CCSER1: variants seen among roughly 807,000 people sequenced by gnomAD.
CCSER1 encodes coiled-coil serine rich protein 1, also known as serine-rich coiled-coil domain-containing protein 1.
In CCSER1, 41 loss-of-function variants were observed where a neutral mutation model predicts 82.0. That is an observed-to-expected ratio of 0.50 (90% CI 0.39 to 0.65). The LOEUF (loss-of-function observed/expected upper bound fraction) is 0.65, where lower values mean the gene tolerates loss of function less well. Ranked by LOEUF, CCSER1 falls within the 30% of genes least tolerant of loss-of-function variation. CCSER1 has a pLI of 0.00. For missense variants in CCSER1, 1,119 were observed against 1,064.2 expected, an observed-to-expected ratio of 1.05 and a Z score of -0.72; for synonymous variants, 414 against 383.9, an observed-to-expected ratio of 1.08 and a Z score of -0.92.
At chr4:91,470,117 T>C (rs113691343) in intron 10 of CCSER1, among the ~76,000 whole-genome samples, 60 of 152,332 alleles carry the variant, frequency 3.9e-4, no homozygotes, top group African/African-American at 1.3e-3. Context: ...ACATCTACAG[T>C]GCCATGGGCT....
intron 9 of CCSER1, among the ~76,000 whole-genome samples, chr4:91,061,692 CCTA>C (rs1393767842): frequency 1.3e-5 from 2 of 151,978 alleles, no homozygotes; most frequent in Admixed American, 6.6e-5. Flanking sequence ...GATAGGTTCT[CCTA>C]CTACTTCTGT....
intron 5 of CCSER1, among the ~76,000 whole-genome samples, chr4:90,555,465 A>T (rs909859675): frequency 1.3e-5 from 2 of 152,114 alleles, no homozygotes; most frequent in Admixed American, 6.5e-5. Context: ...TGTAAAGTTC[A>T]TTATTTTGAC....
At chr4:90,753,185 T>TA (rs1748972145) in intron 7 of CCSER1, among the ~76,000 whole-genome samples, 2 of 152,110 alleles carry the variant, frequency 1.3e-5, no homozygotes, top group African/African-American at 4.8e-5. Context: ...AAAGAGGTTT[T>TA]AGTTTTAGGA....
chr4:90,838,822 C>A, intron 8 of CCSER1: 5 of 1,574,564 alleles, frequency 3.2e-6, no homozygotes, highest in Non-Finnish European at 4.4e-6. Flanking sequence ...TTGCATCTTA[C>A]AAAGTTAAAC....
At chr4:90,653,724 C>CT (rs1261248692) in intron 6 of CCSER1, among the ~76,000 whole-genome samples, 3 of 151,962 alleles carry the variant, frequency 2.0e-5, no homozygotes, top group Non-Finnish European at 4.4e-5. Flanking sequence ...GAGTGATATG[C>CT]TTTTATATTT....
chr4:91,209,085 T>G (rs1736583347), intron 10 of CCSER1, among the ~76,000 whole-genome samples: 1 of 152,014 alleles, frequency 6.6e-6, no homozygotes, highest in African/African-American at 2.4e-5. Context: ...CTTGTTGAAG[T>G]TGTTTATCAG....
intron 10 of CCSER1, among the ~76,000 whole-genome samples, chr4:91,180,188 C>T (rs1261414368): frequency 6.6e-6 from 1 of 152,138 alleles, no homozygotes; most frequent in East Asian, 1.9e-4. Flanking sequence ...CTCAGAGGGG[C>T]ACCCGGCTGT....
intron 10 of CCSER1, among the ~76,000 whole-genome samples, chr4:91,469,939 T>C (rs111673436): frequency 6.6e-6 from 1 of 152,204 alleles, no homozygotes; most frequent in African/African-American, 2.4e-5. Flanking sequence ...CTCCATTTGC[T>C]TTGCTCATTC....
intron 3 of CCSER1, among the ~76,000 whole-genome samples, chr4:90,369,349 A>AG (rs1561111530): frequency 2.8e-5 from 3 of 107,660 alleles, no homozygotes; most frequent in South Asian, 3.6e-4. Flanking sequence ...AGAAGAAAGA[A>AG]AAGAGGAGGA....
intron 9 of CCSER1, among the ~76,000 whole-genome samples, chr4:90,940,401 T>C (rs1473665219): frequency 6.6e-6 from 1 of 152,082 alleles, no homozygotes; most frequent in African/African-American, 2.4e-5. Flanking sequence ...TGTTTACATA[T>C]CAATAATTTT....
rs1277546779 is a variant in CCSER1 at position 91,260,397 on chromosome 4, C to T, written c.2217+174403C>T. Among the ~76,000 whole-genome samples, 3 of 152,208 alleles carry T rather than the reference C, an allele frequency of 2.0e-5. 1 individual carries two copies. The highest frequency in any genetic ancestry group is 6.5e-5 in the Admixed American group (1 of 15,286). ...CTGGAATTAATCATACAAGTAATAA[C>T]TACTGTTTCATAGATGTTGTGCCTG... On this transcript the variant is annotated intron_variant, in intron 10 of 10. Transcript: ENST00000509176.
rs60638334 is a variant in CCSER1 at position 90,777,354 on chromosome 4, CAAAAAA to C, written c.2011-38391_2011-38386del. On this transcript the variant is annotated intron_variant, in intron 7 of 10. Coordinates refer to ENST00000509176, the MANE Select transcript of CCSER1 (RefSeq NM_001145065.2). The stretch of plus-strand genomic sequence containing the variant: ...CCTGGGCTACAGAGTGACTCCATCT[CAAAAAA>C]AAAAAAAAAAAAAAAAGCCTGTAAG... Among the ~76,000 whole-genome samples, 257 of 58,526 alleles carry C rather than the reference CAAAAAA, an allele frequency of 4.4e-3. 7 individuals carry two copies. The East Asian group carries it at 0.11, about 26-fold the overall frequency. 38.4% of individuals were successfully genotyped at this position (58,526 alleles called of 152,430 possible).
chr4:90,924,895 G>A (rs1271777050), intron 9 of CCSER1, among the ~76,000 whole-genome samples: 1 of 152,044 alleles, frequency 6.6e-6, no homozygotes, highest in Non-Finnish European at 1.5e-5. Context: ...GCCGGCTACT[G>A]TTTGTATTTG....
At chr4:90,408,033 A>G (rs1754013832) in intron 4 of CCSER1, among the ~76,000 whole-genome samples, 2 of 152,158 alleles carry the variant, frequency 1.3e-5, no homozygotes, top group Admixed American at 6.5e-5. Flanking sequence ...AGCCTCACTC[A>G]TTGCTAGCAC....
intron 10 of CCSER1, among the ~76,000 whole-genome samples, chr4:91,155,516 G>A (rs1337343359): frequency 6.6e-6 from 1 of 151,900 alleles, no homozygotes; most frequent in Non-Finnish European, 1.5e-5. Context: ...GGAGCCTGTA[G>A]CTCTATTGAG....
intron 10 of CCSER1, among the ~76,000 whole-genome samples, chr4:91,379,333 C>T (rs1750687377): frequency 6.6e-6 from 1 of 152,298 alleles, no homozygotes; most frequent in South Asian, 2.1e-4. Context: ...ATGGTCCCAG[C>T]TCCTCCTTGT....
At chr4:91,523,336 T>C (rs150878223) in intron 10 of CCSER1, among the ~76,000 whole-genome samples, 1 of 152,176 alleles carries the variant, frequency 6.6e-6, no homozygotes, top group Admixed American at 6.5e-5. Flanking sequence ...TAAAATTCTC[T>C]TTTATTGTTG....
At chr4:91,012,113 C>G (rs1334514005) in intron 9 of CCSER1, among the ~76,000 whole-genome samples, 5 of 135,030 alleles carry the variant, frequency 3.7e-5, no homozygotes, top group Admixed American at 3.7e-4. Flanking sequence ...CACCAGTTTT[C>G]TAAGAGGCAA....
chr4:90,332,303 T>A (rs1186041245), intron 3 of CCSER1, among the ~76,000 whole-genome samples: 1 of 151,828 alleles, frequency 6.6e-6, no homozygotes, highest in Non-Finnish European at 1.5e-5. Context: ...GTGGCTTGAT[T>A]TTGGCTCACT....
Sources: allele counts gnomAD v4.1 joint callset (sites outside exome capture counted in the v4.1 genomes callset), GRCh38; gene constraint gnomAD v4.1.1; transcripts MANE v1.5; gene names NCBI Gene and HGNC (gene_info 2026-07-23, HGNC 2026-07-21).